PEX14: variants seen among roughly 807,000 people sequenced by gnomAD.
The protein encoded by PEX14 is peroxisomal membrane protein PEX14.
A neutral mutation model predicts 49.5 loss-of-function variants in PEX14; 15 were observed. That is an observed-to-expected ratio of 0.30 (90% confidence interval 0.20 to 0.47). PEX14 has a LOEUF of 0.47. Ranked by LOEUF, PEX14 falls within the 20% of genes least tolerant of loss-of-function variation. PEX14 has a pLI of 1.00. For missense variants in PEX14, 398 were observed against 494.8 expected (o/e 0.80, Z 1.86); for synonymous variants, 210 against 212.7 (o/e 0.99, Z 0.11).
At chr1:10,502,711 C>T (rs1370624404) in intron 2 of PEX14, among the ~76,000 whole-genome samples, 2 of 151,572 alleles carry the variant, frequency 1.3e-5, no homozygotes, top group Non-Finnish European at 2.9e-5. Flanking sequence ...GTCCTTATTT[C>T]GAGGATATGG....
chr1:10,603,854 A>C (rs1641055157), intron 4 of PEX14, among the ~76,000 whole-genome samples: 1 of 152,206 alleles, frequency 6.6e-6, no homozygotes, highest in African/African-American at 2.4e-5. Context: ...ACCCCTTCAA[A>C]GACTGACCTA....
intron 7 of PEX14, among the ~76,000 whole-genome samples, chr1:10,625,166 G>A (rs923084638): frequency 5.9e-5 from 9 of 152,214 alleles, no homozygotes; most frequent in African/African-American, 2.2e-4. Context: ...TCAAGAGGGT[G>A]CCTGGCTCCA....
intron 3 of PEX14, among the ~76,000 whole-genome samples, chr1:10,545,726 A>C (rs1639149452): frequency 6.6e-6 from 1 of 152,182 alleles, no homozygotes; most frequent in African/African-American, 2.4e-5. Context: ...GATAATATTT[A>C]CTGCAAAAAA....
chr1:10,562,048 TTTTTA>T (rs910461523), intron 3 of PEX14, among the ~76,000 whole-genome samples: 1 of 152,074 alleles, frequency 6.6e-6, no homozygotes, highest in African/African-American at 2.4e-5. Flanking sequence ...TAAGAATAAT[TTTTTA>T]TTTTATTTTA....
chr1:10,495,548 C>T lies in PEX14; in HGVS notation c.84+227C>T, dbSNP rs562580708. On this transcript the variant is annotated intron_variant, in intron 2 of 8. Coordinates refer to ENST00000356607, the MANE Select transcript of PEX14 (RefSeq NM_004565.3). This position sits in a 1 kb window ranked among gnomAD's most constrained non-coding sequence, Gnocchi z 4.2. The stretch of plus-strand genomic sequence containing the variant: ...CCTTTCTAGGACTAAAAGCATCCAC[C>T]CCAGATGGTCCTGCACCACTTTGTT... 6.6e-5 allele frequency among the ~76,000 whole-genome samples: 10 copies of T among 152,238 alleles called. No individual in the cohort carries two copies. The South Asian group carries it at 1.7e-3, about 25-fold the overall frequency.
intron 2 of PEX14, among the ~76,000 whole-genome samples, chr1:10,520,170 T>TTTA (rs1638237322): frequency 7.0e-6 from 1 of 142,210 alleles, no homozygotes; most frequent in East Asian, 2.1e-4. Context: ...TTTGTTTTTT[T>TTTA]AACTAGAGAC....
Position 10,630,301 on chromosome 1 carries a change from A to G in PEX14, c.*314A>G. 1 of 479,914 alleles carries G rather than the reference A, an allele frequency of 2.1e-6. No individual in the cohort carries two copies. Among genetic ancestry groups the G allele is most frequent in the South Asian group, 2.9e-5 (1 of 33,960 alleles). 29.7% of individuals were successfully genotyped at this position (479,914 alleles called of 1,614,324 possible). Reference sequence around the variant, plus strand: ...CCCTCCCCAGCCCCCTCTCCCGGACAGACGCCTTGCCCAGGGTGTGTTTGC... The same window carrying G: ...CCCTCCCCAGCCCCCTCTCCCGGACGGACGCCTTGCCCAGGGTGTGTTTGC... On this transcript the variant is annotated 3_prime_UTR_variant, in exon 9 of 9. Transcript: ENST00000356607. The surrounding 1 kb of genome is among the most constrained non-coding windows in gnomAD (Gnocchi z 4.1).
intron 2 of PEX14, among the ~76,000 whole-genome samples, chr1:10,516,586 CTTTG>C (rs1410227436): frequency 1.3e-5 from 2 of 152,202 alleles, no homozygotes; most frequent in African/African-American, 2.4e-5. Context: ...GCATCTGTGA[CTTTG>C]TTTGCAACCC....
chr1:10,509,279 T>C (rs528258320), intron 2 of PEX14, among the ~76,000 whole-genome samples: 4 of 152,192 alleles, frequency 2.6e-5, no homozygotes, highest in Non-Finnish European at 5.9e-5. Context: ...CCTCTCCAGC[T>C]CTCTGTTGTC....
chr1:10,575,194 A>G (rs538467776), intron 3 of PEX14, among the ~76,000 whole-genome samples: 10 of 152,306 alleles, frequency 6.6e-5, no homozygotes, highest in Admixed American at 3.9e-4. Context: ...ATACCATTGC[A>G]AAGTTCAATG....
In PEX14 at chr1:10,512,026, C is replaced by G. The variant is rs142020459; in HGVS notation, c.84+16705C>G. ...CCAGGCTGGAGTGCAGTGGCATAAT[C>G]TTGGCTCACTGCACGCTCCGCCTCC... On this transcript the variant is annotated intron_variant, in intron 2 of 8. Coordinates refer to ENST00000356607, the MANE Select transcript of PEX14 (RefSeq NM_004565.3). The surrounding 1 kb of genome is among the most constrained non-coding windows in gnomAD (Gnocchi z 4.6). Among the ~76,000 whole-genome samples, 2,714 of 152,186 alleles carry G rather than the reference C, an allele frequency of 0.018. 32 individuals carry two copies. The highest frequency in any genetic ancestry group is 0.027 in the Non-Finnish European group (1,818 of 67,996).
At chr1:10,594,396 G>T (rs906528389) in intron 3 of PEX14, among the ~76,000 whole-genome samples, 13 of 152,294 alleles carry the variant, frequency 8.5e-5, no homozygotes, top group Admixed American at 2.6e-4. Flanking sequence ...AAATAGAGGG[G>T]CTGCAGAGCG....
intron 1 of PEX14, among the ~76,000 whole-genome samples, chr1:10,486,072 TG>T (rs1458918390): frequency 6.6e-6 from 1 of 152,174 alleles, no homozygotes; most frequent in East Asian, 1.9e-4. Context: ...GTAGCTTTTT[TG>T]TACATTCCTT....
At chr1:10,500,648 C>T (rs904685930) in intron 2 of PEX14, among the ~76,000 whole-genome samples, 21 of 152,112 alleles carry the variant, frequency 1.4e-4, no homozygotes, top group Non-Finnish European at 2.1e-4. Context: ...AATCTCCGCT[C>T]ACTGCAACCT....
chr1:10,559,089 C>CA (rs774491089), intron 3 of PEX14, among the ~76,000 whole-genome samples: 2 of 152,100 alleles, frequency 1.3e-5, no homozygotes, highest in Non-Finnish European at 2.9e-5. Flanking sequence ...TTCTCAGTAG[C>CA]ATATCACATG....
intron 2 of PEX14, among the ~76,000 whole-genome samples, chr1:10,498,097 TAGAG>T (rs1293485351): frequency 6.6e-6 from 1 of 152,122 alleles, no homozygotes; most frequent in African/African-American, 2.4e-5. Flanking sequence ...CTGCACAAAA[TAGAG>T]AGACCCCATC....
At chr1:10,591,348 A>G (rs1284603763) in intron 3 of PEX14, among the ~76,000 whole-genome samples, 1 of 150,332 alleles carries the variant, frequency 6.7e-6, no homozygotes, top group Non-Finnish European at 1.5e-5. Context: ...TTATAATCCT[A>G]GCTCCTAGAC....
rs1257302316 is a variant in PEX14 at position 10,529,480 on chromosome 1, A to C, written c.85-6733A>C. On this transcript the variant is annotated intron_variant, in intron 2 of 8. Coordinates refer to ENST00000356607, the MANE Select transcript of PEX14 (RefSeq NM_004565.3). This position sits in a 1 kb window ranked among gnomAD's most constrained non-coding sequence, Gnocchi z 4.2. ...GTGGTTTAAGATGCTTTTTATTTCA[A>C]TATACATTTCTGGAAGAACTACTTT... 6.6e-6 allele frequency among the ~76,000 whole-genome samples: 1 copy of C among 152,258 alleles called. No homozygotes were observed. Among genetic ancestry groups the C allele is most frequent in the Non-Finnish European group, 1.5e-5 (1 of 68,046 alleles).
intron 3 of PEX14, among the ~76,000 whole-genome samples, chr1:10,591,377 T>G (rs1640660813): frequency 6.6e-6 from 1 of 152,214 alleles, no homozygotes; most frequent in Non-Finnish European, 1.5e-5. Flanking sequence ...TATCTTCTTC[T>G]GTCTTGGTTT....
Sources: allele counts gnomAD v4.1 joint callset (sites outside exome capture counted in the v4.1 genomes callset), GRCh38; gene constraint gnomAD v4.1.1; non-coding constraint Gnocchi (gnomAD v3.1); transcripts MANE v1.5; gene names NCBI Gene and HGNC (gene_info 2026-07-23, HGNC 2026-07-21).